The following DCLK1 variants were observed in gnomAD, a reference collection of about 807,000 sequenced individuals.
DCLK1 encodes serine/threonine-protein kinase DCLK1.
DCLK1 carries 16 observed loss-of-function variants against 86.2 expected under a neutral mutation model. The ratio of observed to expected loss-of-function variants is 0.19; its 90% confidence interval spans 0.13 to 0.28. The LOEUF (loss-of-function observed/expected upper bound fraction) is 0.28. DCLK1 is among the 10% of genes least tolerant of loss of function. The pLI, the probability that DCLK1 is intolerant of heterozygous loss-of-function variation, is 1.00. For synonymous variants in DCLK1, 369 were observed against 370.5 expected, an observed-to-expected ratio of 1.00 and a Z score of 0.05; for missense variants, 590 against 940.2, an observed-to-expected ratio of 0.63 and a Z score of 4.87.
intron 11 of DCLK1, among the ~76,000 whole-genome samples, chr13:35,816,373 A>G (rs1566547603): frequency 1.3e-5 from 2 of 152,118 alleles, no homozygotes; most frequent in African/African-American, 2.4e-5. Context: ...TGAACAACAT[A>G]TCCTGAATGT....
At chr13:35,919,364 T>C (rs1875645056) in intron 4 of DCLK1, among the ~76,000 whole-genome samples, 1 of 152,198 alleles carries the variant, frequency 6.6e-6, no homozygotes, top group Admixed American at 6.5e-5. Flanking sequence ...GTGTGAATTC[T>C]ATAGCATCTT....
chr13:35,998,131 T>G (rs1295705444), intron 3 of DCLK1, among the ~76,000 whole-genome samples: 5 of 152,160 alleles, frequency 3.3e-5, no homozygotes, highest in Admixed American at 3.3e-4. Context: ...TTTAACATAA[T>G]TTTTTAAATT....
chr13:36,107,406 C>T (rs937787543), intron 3 of DCLK1, among the ~76,000 whole-genome samples: 8 of 143,906 alleles, frequency 5.6e-5, no homozygotes, highest in Non-Finnish European at 1.2e-4. Context: ...TGCAGTGGCG[C>T]GATCTCGACT....
chr13:36,004,040 A>C (rs982411355), intron 3 of DCLK1, among the ~76,000 whole-genome samples: 1 of 152,254 alleles, frequency 6.6e-6, no homozygotes, highest in Non-Finnish European at 1.5e-5. Flanking sequence ...AAAATAAAAC[A>C]CAAAGATTAA....
At chr13:35,962,368 G>A (rs905329001) in intron 3 of DCLK1, among the ~76,000 whole-genome samples, 1 of 152,128 alleles carries the variant, frequency 6.6e-6, no homozygotes, top group African/African-American at 2.4e-5. Flanking sequence ...TGAATATAAA[G>A]GCAGAGGTTG....
intron 13 of DCLK1, 74 bp from the exon 14 acceptor site, chr13:35,808,394 C>G: frequency 8.2e-7 from 1 of 1,216,796 alleles, no homozygotes; most frequent in Non-Finnish European, 1.2e-6. Context: ...CAGTCTTAGG[C>G]ACTGGAGCCC....
intron 3 of DCLK1, among the ~76,000 whole-genome samples, chr13:36,000,203 C>G (rs1880650598): frequency 6.6e-6 from 1 of 152,202 alleles, no homozygotes; most frequent in Admixed American, 6.5e-5. Context: ...GGCCGTTCCC[C>G]TCAGTGATGA....
chr13:35,804,061 T>C (rs2086977015), intron 15 of DCLK1, among the ~76,000 whole-genome samples: 1 of 152,188 alleles, frequency 6.6e-6, no homozygotes, highest in African/African-American at 2.4e-5. Flanking sequence ...TTAAGGTATA[T>C]AAGATGCTTA....
intron 4 of DCLK1, among the ~76,000 whole-genome samples, chr13:35,891,481 T>C (rs1033249794): frequency 1.3e-5 from 2 of 152,200 alleles, no homozygotes; most frequent in African/African-American, 2.4e-5. Flanking sequence ...AAATGAATTA[T>C]AGGACTGCTA....
At chr13:35,950,364 A>C (rs1331899436) in intron 3 of DCLK1, among the ~76,000 whole-genome samples, 1 of 152,238 alleles carries the variant, frequency 6.6e-6, no homozygotes, top group African/African-American at 2.4e-5. Context: ...AGGGAGATTT[A>C]TAACCCTCTT....
intron 4 of DCLK1, among the ~76,000 whole-genome samples, chr13:35,940,291 C>CAA (rs35613029): frequency 2.4e-5 from 3 of 123,226 alleles, no homozygotes; most frequent in African/African-American, 5.8e-5. Context: ...GAGTCCGTCT[C>CAA]AAAAAAAAAA....
chr13:35,896,853 C>T (rs1244053933), intron 4 of DCLK1, among the ~76,000 whole-genome samples: 1 of 152,060 alleles, frequency 6.6e-6, no homozygotes, highest in Non-Finnish European at 1.5e-5. Flanking sequence ...GGAGGGGGCT[C>T]TAGATGCTCA....
chr13:35,959,735 G>A lies in DCLK1; in HGVS notation c.724-12278C>T, dbSNP rs142884859. On this transcript the variant is annotated intron_variant, in intron 3 of 16. Transcript: ENST00000360631. ...ACTCTTGGCTGTTTCTATGATCTCA[G>A]GGGAGACTACCAGCTTCCGGACACT... is the stretch of plus-strand genomic sequence containing the variant. 3.6e-3 allele frequency among the ~76,000 whole-genome samples: 554 copies of A among 152,226 alleles called. 7 individuals are homozygous for A. The highest frequency in any genetic ancestry group is 0.013 in the African/African-American group (531 of 41,542).
chr13:35,829,360 T>C (rs1593636363), intron 8 of DCLK1, among the ~76,000 whole-genome samples: 2 of 152,358 alleles, frequency 1.3e-5, no homozygotes, highest in Middle Eastern at 6.8e-3. Context: ...TGCTGTTTTA[T>C]TTCTGGTGTG....
intron 2 of DCLK1, 78 bp from the exon 3 acceptor site, chr13:36,112,293 C>T: frequency 8.6e-7 from 1 of 1,168,768 alleles, no homozygotes; most frequent in South Asian, 1.7e-5. Flanking sequence ...TCTCTTTTGC[C>T]TTTTCTGCTT....
At chr13:36,079,000 G>GA (rs376898217) in intron 3 of DCLK1, among the ~76,000 whole-genome samples, 10 of 152,254 alleles carry the variant, frequency 6.6e-5, no homozygotes, top group Admixed American at 1.3e-4. Flanking sequence ...GTCAGGGAGA[G>GA]AAAATCAACC....
At chr13:36,092,599 G>A (rs1884872540) in intron 3 of DCLK1, among the ~76,000 whole-genome samples, 1 of 144,576 alleles carries the variant, frequency 6.9e-6, no homozygotes, top group African/African-American at 2.6e-5. Flanking sequence ...CCATTCTCCT[G>A]CCTCAGCCTC....
At chr13:35,906,551 G>A (rs926033913) in intron 4 of DCLK1, among the ~76,000 whole-genome samples, 1 of 152,158 alleles carries the variant, frequency 6.6e-6, no homozygotes, top group Non-Finnish European at 1.5e-5. Context: ...GATGAAAGGA[G>A]GGAATGAAAC....
intron 3 of DCLK1, among the ~76,000 whole-genome samples, chr13:36,023,924 A>T (rs1390972099): frequency 7.9e-6 from 1 of 126,898 alleles, no homozygotes; most frequent in African/African-American, 3.0e-5. Context: ...TTTTGGAGAC[A>T]GTTTCTTGTT....
Sources: gnomAD v4.1 joint callset for allele counts (sites outside exome capture counted in the v4.1 genomes callset) on GRCh38, gnomAD v4.1.1 for gene constraint, MANE v1.5 for transcripts, NCBI Gene and HGNC (gene_info 2026-07-23, HGNC 2026-07-21) for gene names.